Variants in ITGA2 observed in about 807,000 individuals in gnomAD.
ITGA2 encodes the protein integrin alpha-2.
A neutral mutation model predicts 146.3 loss-of-function variants in ITGA2; 101 were observed. The ratio of observed to expected loss-of-function variants is 0.69; its 90% CI spans 0.59 to 0.81. The LOEUF is 0.81. ITGA2 is among the 40% of genes least tolerant of loss of function. The pLI is 0.00. For synonymous variants in ITGA2, 477 were observed against 487.1 expected (o/e 0.98, Z 0.27); for missense variants, 1,281 against 1,402.7 (o/e 0.91, Z 1.39).
At chr5:52,995,341 G>T (rs1741184225) in intron 1 of ITGA2, among the ~76,000 whole-genome samples, 1 of 152,176 alleles carries the variant, frequency 6.6e-6, no homozygotes, top group African/African-American at 2.4e-5. Flanking sequence ...ATTTAAGAAA[G>T]AATATGTTTG....
In ITGA2 at chr5:53,055,556, A is replaced by C; in HGVS notation, c.798A>C (p.Ala266=). The C allele has an allele frequency of 6.2e-7, 1 of 1,613,040 alleles. No individual in the cohort carries two copies. The highest frequency in any genetic ancestry group is 8.5e-7 in the Non-Finnish European group (1 of 1,179,290). The stretch of plus-strand genomic sequence containing the variant: ...GCCACAGAAAATATGCTTATTCAGC[A>C]GCTTCTGGTGGGCGACGAAGTGCTA... The part of the protein sequence containing the change: ...IQYARKYAYS[A]ASGGRRSATK... The change falls in exon 8 of 30, where the codon GCA becomes GCC. Residue 266 remains alanine (A), a synonymous_variant. Coordinates refer to ENST00000296585, the MANE Select transcript of ITGA2 (RefSeq NM_002203.4).
At chr5:53,023,978 T>C (rs1012742509) in intron 1 of ITGA2, among the ~76,000 whole-genome samples, 4 of 152,104 alleles carry the variant, frequency 2.6e-5, no homozygotes, top group African/African-American at 9.7e-5. Flanking sequence ...TGAAAAGAGA[T>C]TTAGTATCAA....
intron 25 of ITGA2, 103 bp from the exon 26 acceptor site, chr5:53,081,489 T>C (rs1745912811): frequency 2.3e-6 from 2 of 886,770 alleles, no homozygotes; most frequent in Admixed American, 2.0e-5. Flanking sequence ...CTAACAGCCC[T>C]TCCCAGACCC....
chr5:53,023,280 T>G (rs2111798715), intron 1 of ITGA2, among the ~76,000 whole-genome samples: 1 of 152,320 alleles, frequency 6.6e-6, no homozygotes, highest in East Asian at 1.9e-4. Flanking sequence ...GCCGTACTCT[T>G]CTCTTTCACA....
intron 19 of ITGA2, 118 bp downstream of exon 19, chr5:53,072,813 T>C: frequency 4.4e-6 from 4 of 906,812 alleles, no homozygotes; most frequent in Non-Finnish European, 6.8e-6. Flanking sequence ...AACTCATAAA[T>C]ACCTTTAAAA....
Position 53,087,095 on chromosome 5 carries a change from C to T in ITGA2, c.3348+54C>T, listed in dbSNP as rs2303120. On this transcript the variant is annotated intron_variant, in intron 28 of 29. Transcript: ENST00000296585. ...CCTCAGGGTCTGTGATGGCATTCCA[C>T]TTCTAAAAGCCTGGGATAGTCACTC... 0.092 allele frequency: 112,638 copies of T among 1,230,932 alleles called. 5,843 individuals are homozygous for T. Among genetic ancestry groups the T allele is most frequent in the African/African-American group, 0.19 (12,542 of 67,006 alleles). The allele number at this position is 1,230,932 out of a possible 1,614,324, so 76.3% of individuals were successfully genotyped here.
Position 53,070,207 on chromosome 5 carries a change from A to C in ITGA2, c.2182A>C (p.Asn728His), listed in dbSNP as rs778230183. The C allele has an allele frequency of 6.2e-7, 1 of 1,611,962 alleles. No homozygotes were observed. Among genetic ancestry groups the C allele is most frequent in the African/African-American group, 1.3e-5 (1 of 74,756 alleles). Residue 728 changes from asparagine to histidine, a missense_variant, in exon 17 of 30, where the codon AAT (asparagine) becomes CAT (histidine). By Grantham distance (68) the Asn-to-His change is moderately conservative. This residue lies in a region of ITGA2 where 11 missense variants were observed against 30.5 expected (regional missense o/e 0.36). Transcript: ENST00000296585. ...AAACAATGAAAGGTGCCTGCAGAAG[A>C]ATATGGTAGTAAATCAAGCACAGAG... ...KENNERCLQK[N>H]MVVNQAQSCP...
At chr5:53,024,112 G>T (rs144773691) in intron 1 of ITGA2, among the ~76,000 whole-genome samples, 124 of 152,272 alleles carry the variant, frequency 8.1e-4, no homozygotes, top group African/African-American at 2.9e-3. Flanking sequence ...CAGAGTGGGT[G>T]ACATTGCGCA....
At chr5:53,081,140 T>C (rs1468263690) in intron 25 of ITGA2, among the ~76,000 whole-genome samples, 4 of 152,118 alleles carry the variant, frequency 2.6e-5, no homozygotes, top group Admixed American at 2.6e-4. Context: ...CCCCACTCCA[T>C]CCACACCATG....
intron 1 of ITGA2, among the ~76,000 whole-genome samples, chr5:53,013,491 T>C (rs2111753595): frequency 6.6e-6 from 1 of 152,202 alleles, no homozygotes; most frequent in African/African-American, 2.4e-5. Flanking sequence ...ACCAGTACCA[T>C]GTTGTTTTCA....
At chr5:53,085,740 G>A (rs1452078835) in intron 27 of ITGA2, among the ~76,000 whole-genome samples, 2 of 152,168 alleles carry the variant, frequency 1.3e-5, no homozygotes, top group Admixed American at 6.5e-5. Flanking sequence ...ACCTCACAGA[G>A]TATGTCCAAT....
intron 25 of ITGA2, 48 bp downstream of exon 25, chr5:53,080,669 T>C (rs888144956): frequency 8.4e-6 from 11 of 1,316,010 alleles, no homozygotes; most frequent in Non-Finnish European, 1.2e-5. Context: ...AAGATGTAAA[T>C]AACCCATGAG....
chr5:53,076,929 A>G (rs1745687479), intron 23 of ITGA2, among the ~76,000 whole-genome samples: 1 of 152,022 alleles, frequency 6.6e-6, no homozygotes. Flanking sequence ...GTGAGAAGTC[A>G]TCCCTCCCCA....
chr5:53,051,519 G>A lies in ITGA2; in HGVS notation c.739G>A (p.Gly247Arg), dbSNP rs1744363475. The A allele has an allele frequency of 9.3e-6, 15 of 1,613,626 alleles. No individual in the cohort carries two copies. Among genetic ancestry groups the A allele is most frequent in the Non-Finnish European group, 1.2e-5 (14 of 1,179,736 alleles). ...VATSQTSQYGGDLTNTFGAIQ... is the reference protein window; with the variant it reads ...VATSQTSQYGRDLTNTFGAIQ... ...AACATCCCAGACATCCCAATATGGTGGGGACCTCACAAACACATTCGGAGC... is the reference window on the plus strand; with the variant it reads ...AACATCCCAGACATCCCAATATGGTAGGGACCTCACAAACACATTCGGAGC... Residue 247 changes from glycine (G) to arginine (R), a missense_variant, in exon 7 of 30, where the codon GGG becomes AGG. Physicochemically the swap from Gly to Arg is moderately radical, Grantham distance 125. This residue lies in a region of ITGA2 where 795 missense variants were observed against 841.7 expected (regional missense o/e 0.94). Transcript: ENST00000296585.
chr5:53,005,361 C>A (rs956618352), intron 1 of ITGA2, among the ~76,000 whole-genome samples: 4 of 152,012 alleles, frequency 2.6e-5, no homozygotes, highest in Admixed American at 2.6e-4. Flanking sequence ...GTGGGCAGAT[C>A]ACTGGAGGTG....
chr5:53,040,422 T>C (rs1466512891), intron 2 of ITGA2, among the ~76,000 whole-genome samples: 1 of 152,204 alleles, frequency 6.6e-6, no homozygotes, highest in East Asian at 1.9e-4. Flanking sequence ...TCTTCTGAGC[T>C]ATCATGAATT....
intron 27 of ITGA2, among the ~76,000 whole-genome samples, chr5:53,086,103 T>C (rs3212633): frequency 0.11 from 16,865 of 151,938 alleles, 1,140 homozygotes; most frequent in African/African-American, 0.18. Context: ...GTCAGGGTTT[T>C]GCCATATTGA....
In ITGA2 at chr5:53,093,501, T is replaced by C. The variant is rs1406818321; in HGVS notation, c.*2902T>C. 1.3e-5 allele frequency: 1 copy of C among 79,204 alleles called. No homozygotes were observed. Among genetic ancestry groups the C allele is most frequent in the African/African-American group, 5.0e-5 (1 of 19,824 alleles). 4.9% of individuals were successfully genotyped at this position (79,204 alleles called of 1,614,324 possible). A position where few individuals can be genotyped will look rare whatever the true frequency, so the allele number is the denominator to read the frequency against. ...TAGAAGGTATGTTTAGCAGCATTCC[T>C]GGCCTCTAGCTACCCGATGCCAGAG... On this transcript the variant is annotated 3_prime_UTR_variant, in exon 30 of 30. Transcript: ENST00000296585.
At chr5:53,052,801 T>A (rs2111930073) in intron 7 of ITGA2, among the ~76,000 whole-genome samples, 2 of 152,250 alleles carry the variant, frequency 1.3e-5, no homozygotes, top group East Asian at 3.9e-4. Flanking sequence ...TCCTATTTTT[T>A]CTTCACTAAA....
Sources: gnomAD v4.1 joint callset for allele counts (sites outside exome capture counted in the v4.1 genomes callset) on GRCh38, gnomAD v4.1.1 for gene constraint, gnomAD v4.1.1 regional missense constraint, MANE v1.5 for transcripts, NCBI Gene and HGNC (gene_info 2026-07-23, HGNC 2026-07-21) for gene names.